The following LINS1 variants were observed in gnomAD, a reference collection of about 807,000 sequenced individuals.
LINS1 encodes the protein protein Lines homolog 1.
LINS1 carries 27 observed loss-of-function variants against 41.6 expected under a neutral mutation model. The ratio of observed to expected loss-of-function variants is 0.65; its 90% confidence interval spans 0.48 to 0.89. The LOEUF is 0.89. Among genes scored for constraint, LINS1 ranks in the 40% least tolerant of loss-of-function variants. LINS1 has a pLI of 0.00. For missense variants in LINS1, 955 were observed against 884.1 expected (o/e 1.08, Z -1.02); for synonymous variants, 336 against 312.9 (o/e 1.07, Z -0.78).
intron 1 of LINS1, among the ~76,000 whole-genome samples, chr15:100,601,740 G>A (rs2039506347): frequency 6.6e-6 from 1 of 152,078 alleles, no homozygotes. Context: ...TGAATAAAGT[G>A]CTTAACAAAC....
At chr15:100,584,556 C>A (rs1357208281) in intron 1 of LINS1, among the ~76,000 whole-genome samples, 1 of 149,910 alleles carries the variant, frequency 6.7e-6, no homozygotes, top group Non-Finnish European at 1.5e-5. Context: ...TCAAAATCAG[C>A]CTTTAGAGAC....
At chr15:100,575,907 C>T (rs1477994646) in intron 3 of LINS1, among the ~76,000 whole-genome samples, 1 of 152,200 alleles carries the variant, frequency 6.6e-6, no homozygotes, top group Non-Finnish European at 1.5e-5. Context: ...AACTGAACAA[C>T]CTGCTCCTGA....
chr15:100,576,351 T>C (rs191729745), intron 3 of LINS1, among the ~76,000 whole-genome samples: 2,379 of 152,298 alleles, frequency 0.016, 37 homozygotes, highest in Non-Finnish European at 0.022. Context: ...GTATCACCAC[T>C]GATTCCATAG....
In LINS1 at chr15:100,568,872, C is replaced by G. The variant is rs527488280; in HGVS notation, c.*366G>C. The G allele has an allele frequency of 9.4e-4, 191 of 203,772 alleles. No homozygotes were observed. Among genetic ancestry groups the G allele is most frequent in the Middle Eastern group, 2.3e-3 (1 of 428 alleles). The allele number at this position is 203,772 out of a possible 1,614,324, so 12.6% of individuals were successfully genotyped here. A position where few individuals can be genotyped will look rare whatever the true frequency, so the allele number is the denominator to read the frequency against. On this transcript the variant is annotated 3_prime_UTR_variant, in exon 7 of 7. Transcript: ENST00000314742. ...GGGCACAGTGGCTCATGCCTGTAAT[C>G]CCAGCACTTCGGGAGGGCGGACAGG...
Position 100,587,667 on chromosome 15 carries a change from C to A in LINS1, c.-103-6722G>T, listed in dbSNP as rs547577217. Among the ~76,000 whole-genome samples, 8 of 152,228 alleles carry A rather than the reference C, an allele frequency of 5.3e-5. No individual in the cohort carries two copies. The South Asian group carries it at 8.3e-4, about 16-fold the overall frequency. Reference sequence around the variant, plus strand: ...TTCCTATGTGTTTTTAGAAAGTCATCATTTGTCCCATTTATCCAGAATTCC... The same window carrying A: ...TTCCTATGTGTTTTTAGAAAGTCATAATTTGTCCCATTTATCCAGAATTCC... On this transcript the variant is annotated intron_variant, in intron 1 of 6. Transcript: ENST00000314742.
At chr15:100,584,877 C>T (rs4965320) in intron 1 of LINS1, among the ~76,000 whole-genome samples, 56,692 of 151,978 alleles carry the variant, frequency 0.37, 10,977 homozygotes, top group Admixed American at 0.44. Flanking sequence ...GCCCCGACTT[C>T]CCCTTTGGGT....
rs1464224754 is a variant in LINS1 at position 100,601,682 on chromosome 15, C to G, written c.-104+439G>C. On this transcript the variant is annotated intron_variant, in intron 1 of 6. Coordinates refer to ENST00000314742, the MANE Select transcript of LINS1 (RefSeq NM_001040616.3). ...TTCCCCGAAATCACTATCTTGTTCA[C>G]TGTTGTCTCCCCAGGGACTAGAACA... 2.0e-5 allele frequency among the ~76,000 whole-genome samples: 3 copies of G among 152,108 alleles called. No homozygotes were observed. In the East Asian group the frequency reaches 5.8e-4, roughly 29 times the overall value.
At position 100,568,713 on chromosome 15, in the gene LINS1, T is replaced by G. The variant is rs1244652156; in HGVS notation, c.*525A>C. ...AACGCAATCACCACCCCCGATTTTG[T>G]GTCACTTAGAACTGCCATAAATCTC... On this transcript the variant is annotated 3_prime_UTR_variant, in exon 7 of 7. Coordinates refer to ENST00000314742, the MANE Select transcript of LINS1 (RefSeq NM_001040616.3). 1.3e-5 allele frequency: 2 copies of G among 153,168 alleles called. No homozygotes were observed. The highest frequency in any genetic ancestry group is 2.9e-5 in the Non-Finnish European group (2 of 68,748). 9.5% of individuals were successfully genotyped at this position (153,168 alleles called of 1,614,324 possible).
intron 1 of LINS1, among the ~76,000 whole-genome samples, chr15:100,592,465 G>A (rs994261802): frequency 7.9e-5 from 12 of 152,026 alleles, no homozygotes; most frequent in African/African-American, 2.9e-4. Flanking sequence ...AGGGCTGAAA[G>A]TTCCAACTCT....
At position 100,569,303 on chromosome 15, in the gene LINS1, T is replaced by C. The variant is rs1259721863; in HGVS notation, c.2209A>G (p.Thr737Ala). ...QKKNLFPYNP[T>A]ALLKLLKYIE... ...TATTTTAACAACTTCAAAAGTGCAG[T>C]TGGATTATATGGGAAAAGATTTTTC... Residue 737 changes from threonine to alanine, a missense_variant, in exon 7 of 7, where the codon ACT becomes GCT. Coordinates refer to ENST00000314742, the MANE Select transcript of LINS1 (RefSeq NM_001040616.3). 2.5e-6 allele frequency: 4 copies of C among 1,612,636 alleles called. No individual in the cohort carries two copies. Among genetic ancestry groups the C allele is most frequent in the African/African-American group, 1.3e-5 (1 of 74,874 alleles).
rs751984084 is a variant in LINS1 at position 100,572,293 on chromosome 15, A to C, written c.1223-228T>G. ...TCCAGAGCATACATTTAAAATGTAC[A>C]GCTACATCATCTATTTGCAACAACT... On this transcript the variant is annotated intron_variant, in intron 5 of 6. Coordinates refer to ENST00000314742, the MANE Select transcript of LINS1 (RefSeq NM_001040616.3). 3.0e-6 allele frequency: 4 copies of C among 1,325,058 alleles called. No individual in the cohort carries two copies. The East Asian group carries it at 1.3e-4, about 45-fold the overall frequency. 82.1% of individuals were successfully genotyped at this position (1,325,058 alleles called of 1,614,324 possible).
At position 100,573,720 on chromosome 15, in the gene LINS1, C is replaced by T. The variant is rs763607102; in HGVS notation, c.1153G>A (p.Ala385Thr). ...TSPDHVILRA[A>T]SLVIMKSLEI... ...AAGGATTTCATTATAACTAAGCTTG[C>T]TGCTCTAAGGATCACATGATCTGGA... Residue 385 changes from alanine to threonine, a missense_variant, in exon 5 of 7, where the codon GCA (alanine) becomes ACA (threonine). Physicochemically the swap from Ala to Thr is moderately conservative, Grantham distance 58. Coordinates refer to ENST00000314742, the MANE Select transcript of LINS1 (RefSeq NM_001040616.3). 1.2e-6 allele frequency: 2 copies of T among 1,612,658 alleles called. No homozygotes were observed. Among genetic ancestry groups the T allele is most frequent in the African/African-American group, 2.7e-5 (2 of 74,874 alleles).
intron 1 of LINS1, among the ~76,000 whole-genome samples, chr15:100,583,114 T>C (rs1421028264): frequency 2.6e-5 from 4 of 151,708 alleles, no homozygotes; most frequent in African/African-American, 7.3e-5. Flanking sequence ...GGTCTTATAC[T>C]GGGTCTTCCA....
chr15:100,567,315 G>C lies in LINS1; in HGVS notation c.*1923C>G, dbSNP rs1408040286. The C allele has an allele frequency of 1.3e-5, 2 of 152,176 alleles. No individual in the cohort carries two copies. Among genetic ancestry groups the C allele is most frequent in the Non-Finnish European group, 1.5e-5 (1 of 68,042 alleles). 9.4% of individuals were successfully genotyped at this position (152,176 alleles called of 1,614,324 possible). A position where few individuals can be genotyped will look rare whatever the true frequency, so the allele number is the denominator to read the frequency against. ...ATGGGACCACTGTACTATGTGGTCT[G>C]TTATTGAAACATCCTAATGCAGTGC... On this transcript the variant is annotated 3_prime_UTR_variant, in exon 7 of 7. Transcript: ENST00000314742.
rs778062665 is a variant in LINS1 at position 100,571,970 on chromosome 15, GA to G, written c.1317del (p.Arg440GlyfsTer4). 1 of 1,614,088 alleles carries G rather than the reference GA, an allele frequency of 6.2e-7. No individual in the cohort carries two copies. Among genetic ancestry groups the G allele is most frequent in the African/African-American group, 1.3e-5 (1 of 74,946 alleles). Reference sequence around the variant, plus strand: ...TCATCGTCTTGTTCTATGAAAACCCGAGACAGCCATTTGCACGGATTGTGTA... The same window carrying G: ...TCATCGTCTTGTTCTATGAAAACCCGGACAGCCATTTGCACGGATTGTGTA... Reference protein sequence around the residue: ...LQLHNPCKWLSRVFIEQDDDM... With the variant: ...LQLHNPCKWLXRVFIEQDDDM... On this transcript the variant is annotated frameshift_variant, in exon 6 of 7. Transcript: ENST00000314742. LOFTEE classifies it high-confidence loss of function.
rs764406885 is a variant in LINS1 at position 100,580,608 on chromosome 15, T to C, written c.235A>G (p.Asn79Asp). The C allele has an allele frequency of 1.1e-5, 18 of 1,614,036 alleles. No homozygotes were observed. The highest frequency in any genetic ancestry group is 2.2e-5 in the East Asian group (1 of 44,888). Reference protein sequence around the residue: ...IAVAPVCLKTNSQMSGSREVM... With the variant: ...IAVAPVCLKTDSQMSGSREVM... The stretch of plus-strand genomic sequence containing the variant: ...TCTCTGGAACCGCTCATCTGAGAGT[T>C]GGTCTTCAAACACACAGGTGCTACA... Residue 79 changes from asparagine (N) to aspartate (D), a missense_variant, in exon 2 of 7, where the codon AAC becomes GAC. By Grantham distance (23) the Asn-to-Asp change is conservative. Transcript: ENST00000314742.
At chr15:100,581,837 C>G (rs2141314610) in intron 1 of LINS1, among the ~76,000 whole-genome samples, 1 of 152,330 alleles carries the variant, frequency 6.6e-6, no homozygotes, top group South Asian at 2.1e-4. Context: ...CACCTGTAAA[C>G]TCATTTTAAC....
intron 1 of LINS1, among the ~76,000 whole-genome samples, chr15:100,594,461 AACAAAAC>A (rs1387448164): frequency 6.6e-6 from 1 of 152,130 alleles, no homozygotes; most frequent in Non-Finnish European, 1.5e-5. Context: ...TGAGTTTCTG[AACAAAAC>A]AAAGGGCAGT....
chr15:100,574,013 A>G lies in LINS1; in HGVS notation c.860T>C (p.Ile287Thr). Residue 287 changes from isoleucine to threonine, a missense_variant, in exon 5 of 7, where the codon ATT becomes ACT. Coordinates refer to ENST00000314742, the MANE Select transcript of LINS1 (RefSeq NM_001040616.3). ...FLKPSCMLEVITWPIQAFVKR... is the reference protein window; with the variant it reads ...FLKPSCMLEVTTWPIQAFVKR... ...AACAAAAGCCTGAATAGGCCAGGTA[A>G]TAACTTCTAGCATGCAAGATGGTTT... The G allele has an allele frequency of 6.2e-7, 1 of 1,614,164 alleles. No individual in the cohort carries two copies. Among genetic ancestry groups the G allele is most frequent in the Non-Finnish European group, 8.5e-7 (1 of 1,179,966 alleles).
Sources: allele counts gnomAD v4.1 joint callset (sites outside exome capture counted in the v4.1 genomes callset), GRCh38; gene constraint gnomAD v4.1.1; transcripts MANE v1.5; gene names NCBI Gene and HGNC (gene_info 2026-07-23, HGNC 2026-07-21).